Variants in TMEM244 observed in about 807,000 individuals in gnomAD.
The protein encoded by TMEM244 is putative transmembrane protein 244.
Under a neutral mutation model 15.8 loss-of-function variants are expected in TMEM244, and 13 were observed. That is an observed-to-expected ratio of 0.82 (90% CI 0.53 to 1.30). The LOEUF (loss-of-function observed/expected upper bound fraction) is 1.30. TMEM244 is among the 50% of genes most tolerant of loss of function. The pLI is 0.00. For missense variants in TMEM244, 161 were observed against 144.9 expected (o/e 1.11, Z -0.57); for synonymous variants, 45 against 48.7 (o/e 0.92, Z 0.32).
intron 3 of TMEM244, 73 bp from the exon 4 acceptor site, chr6:129,833,658 G>C (rs778751616): frequency 1.5e-5 from 22 of 1,423,672 alleles, no homozygotes; most frequent in Non-Finnish European, 1.9e-5. Flanking sequence ...CTAGTAACAA[G>C]ACCAGGAAAG....
At chr6:129,842,398 T>C (rs1776503965) in intron 3 of TMEM244, among the ~76,000 whole-genome samples, 1 of 152,192 alleles carries the variant, frequency 6.6e-6, no homozygotes, top group Admixed American at 6.5e-5. Context: ...TGTTCTCACA[T>C]ATGCTTTGCT....
At chr6:129,837,922 C>G (rs1366996283) in intron 3 of TMEM244, among the ~76,000 whole-genome samples, 2 of 152,178 alleles carry the variant, frequency 1.3e-5, no homozygotes, top group African/African-American at 4.8e-5. Flanking sequence ...ATTAATAAAG[C>G]AAGTCCTTAG....
intron 1 of TMEM244, among the ~76,000 whole-genome samples, chr6:129,855,264 C>T (rs183177150): frequency 5.3e-5 from 8 of 152,252 alleles, no homozygotes; most frequent in Admixed American, 2.6e-4. Context: ...ATCAAGTTAG[C>T]GAAGATAGTT....
At chr6:129,857,816 A>G (rs1172910238) in intron 1 of TMEM244, among the ~76,000 whole-genome samples, 1 of 149,926 alleles carries the variant, frequency 6.7e-6, no homozygotes, top group Non-Finnish European at 1.5e-5. Context: ...ATATATACAC[A>G]CATATATATA....
chr6:129,847,775 C>CTT (rs34238013), intron 1 of TMEM244, among the ~76,000 whole-genome samples: 10 of 137,484 alleles, frequency 7.3e-5, no homozygotes, highest in East Asian at 2.1e-4. Flanking sequence ...TTTCTTTTTT[C>CTT]TTTTTTTTTT....
rs533161871 is a variant in TMEM244, at chr6:129,852,339, G to A, written c.34-6487C>T. Among the ~76,000 whole-genome samples the A allele has an allele frequency of 3.3e-5, 5 of 152,222 alleles. No homozygotes were observed. The South Asian group carries it at 6.2e-4, about 19-fold the overall frequency. The stretch of plus-strand genomic sequence containing the variant: ...CCCTAGGGGATGTGGTAAGGGGTAA[G>A]CTTTGCTTAATACCTGTATGTGCAA... On this transcript the variant is annotated intron_variant, in intron 1 of 4. Transcript: ENST00000368143.
chr6:129,838,430 A>G (rs1776438749), intron 3 of TMEM244, among the ~76,000 whole-genome samples: 4 of 152,246 alleles, frequency 2.6e-5, no homozygotes, highest in Admixed American at 2.0e-4. Context: ...GGACACATTT[A>G]AAGCAGTATG....
intron 3 of TMEM244, among the ~76,000 whole-genome samples, chr6:129,838,708 A>G (rs1295611556): frequency 6.6e-6 from 1 of 152,216 alleles, no homozygotes; most frequent in Admixed American, 6.5e-5. Flanking sequence ...GAAAAGAGAG[A>G]AGAATCAAAT....
chr6:129,852,936 G>A (rs1776654501), intron 1 of TMEM244, among the ~76,000 whole-genome samples: 1 of 152,092 alleles, frequency 6.6e-6, no homozygotes, highest in Non-Finnish European at 1.5e-5. Flanking sequence ...GTAGATCCCT[G>A]CAGAGGGTAT....
intron 1 of TMEM244, among the ~76,000 whole-genome samples, chr6:129,853,108 A>C (rs1390329334): frequency 6.6e-6 from 1 of 152,230 alleles, no homozygotes; most frequent in African/African-American, 2.4e-5. Context: ...AGGAACTGGT[A>C]GAAAAGGAAA....
At chr6:129,844,978 C>T (rs1480514) in intron 2 of TMEM244, among the ~76,000 whole-genome samples, 54,005 of 152,048 alleles carry the variant, frequency 0.36, 10,780 homozygotes, top group Non-Finnish European at 0.47. Flanking sequence ...TATCTCAAGG[C>T]AACCAATATA....
intron 1 of TMEM244, among the ~76,000 whole-genome samples, chr6:129,852,285 G>A (rs1776645636): frequency 1.3e-5 from 2 of 152,044 alleles, no homozygotes; most frequent in Admixed American, 6.6e-5. Flanking sequence ...TTTAAAGCAT[G>A]CTTTGATTAA....
chr6:129,852,472 C>G (rs1776648144), intron 1 of TMEM244, among the ~76,000 whole-genome samples: 1 of 152,130 alleles, frequency 6.6e-6, no homozygotes, highest in Admixed American at 6.6e-5. Context: ...GAAGCTGGCA[C>G]TTCGCCTTCT....
chr6:129,856,120 C>T (rs752868825), intron 1 of TMEM244, among the ~76,000 whole-genome samples: 1 of 150,592 alleles, frequency 6.6e-6, no homozygotes, highest in African/African-American at 2.4e-5. Flanking sequence ...TTTTTATTTT[C>T]TGAGTGCCAT....
chr6:129,831,532 T>G, intron 4 of TMEM244, 146 bp from the exon 5 acceptor site: 1 of 628,540 alleles, frequency 1.6e-6, no homozygotes, highest in Non-Finnish European at 2.9e-6. Context: ...CAAGTTGTAC[T>G]TCAGTCCTGG....
Position 129,861,229 on chromosome 6 carries a change from CT to C in TMEM244, c.-42del, listed in dbSNP as rs1776805477. On this transcript the variant is annotated 5_prime_UTR_variant, in exon 1 of 5. The change abolishes the stop of an existing upstream ORF in the 5' untranslated region. Coordinates refer to ENST00000368143, the MANE Select transcript of TMEM244 (RefSeq NM_001010876.2). ...CAAGGAGGTGATGAAAGCCCCACTC[CT>C]TATAGCGATGACATCTGGAAGAAGA... 6.2e-7 allele frequency: 1 copy of C among 1,610,668 alleles called. No homozygotes were observed. Among genetic ancestry groups the C allele is most frequent in the African/African-American group, 1.3e-5 (1 of 74,774 alleles).
intron 1 of TMEM244, among the ~76,000 whole-genome samples, chr6:129,855,019 A>C (rs1048534451): frequency 6.6e-6 from 1 of 152,170 alleles, no homozygotes; most frequent in African/African-American, 2.4e-5. Flanking sequence ...CTCTCAGGTG[A>C]TTACAATGCA....
intron 1 of TMEM244, among the ~76,000 whole-genome samples, chr6:129,851,497 T>G (rs915864602): frequency 1.3e-5 from 2 of 152,136 alleles, no homozygotes; most frequent in Non-Finnish European, 2.9e-5. Flanking sequence ...CTCAAACTCC[T>G]GACTTCAAGT....
chr6:129,844,671 G>A (rs559820701), intron 2 of TMEM244, among the ~76,000 whole-genome samples: 2 of 152,156 alleles, frequency 1.3e-5, no homozygotes, highest in East Asian at 1.9e-4. Context: ...CTTAAAATCC[G>A]GTGCTCAGAG....
Sources: gnomAD v4.1 joint callset for allele counts (sites outside exome capture counted in the v4.1 genomes callset) on GRCh38, gnomAD v4.1.1 for gene constraint, MANE v1.5 for transcripts, NCBI Gene and HGNC (gene_info 2026-07-23, HGNC 2026-07-21) for gene names.